CDH13: variants seen among roughly 807,000 people sequenced by gnomAD.
The protein encoded by CDH13 is cadherin-13.
In CDH13, 24 loss-of-function variants were observed where a neutral mutation model predicts 63.8. The ratio of observed to expected loss-of-function variants is 0.38; its 90% CI spans 0.27 to 0.53. The LOEUF is 0.53. CDH13 is among the 20% of genes least tolerant of loss of function. The pLI is 0.85. For synonymous variants in CDH13, 503 were observed against 355.3 expected (o/e 1.42, Z -4.67); for missense variants, 1,049 against 903.1 (o/e 1.16, Z -2.07).
At chr16:83,310,331 CT>C (rs994535297) in intron 5 of CDH13, among the ~76,000 whole-genome samples, 2 of 152,182 alleles carry the variant, frequency 1.3e-5, no homozygotes, top group African/African-American at 4.8e-5. Context: ...AAATTAGTTT[CT>C]GTGATTGTTG....
chr16:83,377,969 A>T (rs1321384718), intron 6 of CDH13, among the ~76,000 whole-genome samples: 1 of 152,200 alleles, frequency 6.6e-6, no homozygotes. Context: ...TGAGTAGAAG[A>T]TGAATTTGCA....
At chr16:83,424,459 C>A (rs575176664) in intron 6 of CDH13, among the ~76,000 whole-genome samples, 1 of 152,274 alleles carries the variant, frequency 6.6e-6, no homozygotes, top group East Asian at 1.9e-4. Flanking sequence ...TTTATGAAGG[C>A]CTTGCCATGC....
chr16:83,732,457 C>A (rs1341503837), intron 10 of CDH13, among the ~76,000 whole-genome samples: 2 of 152,162 alleles, frequency 1.3e-5, no homozygotes, highest in Non-Finnish European at 2.9e-5. Flanking sequence ...CCCAAAGCCA[C>A]AAAGGTTTTG....
intron 8 of CDH13, among the ~76,000 whole-genome samples, chr16:83,627,915 T>A (rs1910459570): frequency 6.6e-6 from 1 of 152,190 alleles, no homozygotes; most frequent in African/African-American, 2.4e-5. Flanking sequence ...TATTCAAGAC[T>A]TTTCCAGGAA....
At chr16:82,951,346 C>A (rs1012249294) in intron 2 of CDH13, among the ~76,000 whole-genome samples, 1 of 152,146 alleles carries the variant, frequency 6.6e-6, no homozygotes, top group Admixed American at 6.5e-5. Context: ...CAGTTGATAT[C>A]TGCTTCCTAT....
intron 6 of CDH13, among the ~76,000 whole-genome samples, chr16:83,364,038 C>T (rs1449486172): frequency 6.6e-6 from 1 of 152,104 alleles, no homozygotes; most frequent in African/African-American, 2.4e-5. Flanking sequence ...AGCTAGCTTT[C>T]TCTGAAAAGC....
At chr16:83,790,197 C>G (rs1332307534) in intron 13 of CDH13, 3 of 152,220 alleles carry the variant, frequency 2.0e-5, no homozygotes, top group Non-Finnish European at 2.9e-5. Flanking sequence ...TCACCATTGA[C>G]TGCCTCCCTT....
chr16:83,163,647 C>G (rs1288809083), intron 4 of CDH13, among the ~76,000 whole-genome samples: 3 of 152,042 alleles, frequency 2.0e-5, no homozygotes, highest in African/African-American at 7.2e-5. Context: ...GTGTCATCTC[C>G]ACTCTCTTTC....
At chr16:83,093,545 C>T (rs1011601649) in intron 3 of CDH13, among the ~76,000 whole-genome samples, 1 of 151,964 alleles carries the variant, frequency 6.6e-6, no homozygotes, top group Non-Finnish European at 1.5e-5. Flanking sequence ...GTCTCGAACT[C>T]CTGACCTCAG....
At chr16:82,766,339 G>T (rs559201175) in intron 1 of CDH13, among the ~76,000 whole-genome samples, 1 of 152,310 alleles carries the variant, frequency 6.6e-6, no homozygotes, top group South Asian at 2.1e-4. Flanking sequence ...GTTTCTGAAG[G>T]ATTGAATCTC....
At chr16:83,675,601 A>T (rs532570855) in intron 9 of CDH13, among the ~76,000 whole-genome samples, 1 of 152,152 alleles carries the variant, frequency 6.6e-6, no homozygotes. Flanking sequence ...GCCTAGCTCC[A>T]TGGGAAATAT....
At chr16:82,866,377 CTTTTTTTTTTTTTTTTTTT>C (rs538206338) in intron 2 of CDH13, among the ~76,000 whole-genome samples, 1 of 58,296 alleles carries the variant, frequency 1.7e-5, no homozygotes, top group Non-Finnish European at 2.9e-5. Flanking sequence ...TTTTCTTCTT[CTTTTTTTTTTTTTTTTTTT>C]TTTTTTTTTT....
At chr16:83,723,306 G>C (rs763559324) in intron 10 of CDH13, among the ~76,000 whole-genome samples, 9 of 152,178 alleles carry the variant, frequency 5.9e-5, no homozygotes, top group African/African-American at 9.7e-5. Context: ...CACATATAGA[G>C]AAGTAAAAGC....
intron 5 of CDH13, among the ~76,000 whole-genome samples, chr16:83,329,381 A>G (rs1341122944): frequency 1.4e-5 from 2 of 147,464 alleles, no homozygotes. Context: ...ACGTGCCACC[A>G]CACATGGCTA....
intron 1 of CDH13, among the ~76,000 whole-genome samples, chr16:82,751,752 C>A (rs942601890): frequency 6.6e-6 from 1 of 151,412 alleles, no homozygotes; most frequent in African/African-American, 2.4e-5. Context: ...AGAGATCGCA[C>A]GTTTTCGTTT....
intron 2 of CDH13, among the ~76,000 whole-genome samples, chr16:82,926,340 A>G (rs1333501675): frequency 6.6e-6 from 1 of 151,934 alleles, no homozygotes; most frequent in African/African-American, 2.4e-5. Context: ...GATCTCTTGC[A>G]TGAGGCTTTT....
chr16:82,740,947 G>A (rs570571958), intron 1 of CDH13, among the ~76,000 whole-genome samples: 28 of 152,118 alleles, frequency 1.8e-4, no homozygotes, highest in African/African-American at 6.5e-4. Context: ...CTTTAAAAGG[G>A]GTTACCTCCT....
At chr16:83,735,299 T>A (rs1297616583) in intron 10 of CDH13, 1 of 152,208 alleles carries the variant, frequency 6.6e-6, no homozygotes, top group Non-Finnish European at 1.5e-5. Flanking sequence ...CCCAGTCCTT[T>A]GCCAGTCAAA....
chr16:82,751,265 C>A (rs965383430), intron 1 of CDH13, among the ~76,000 whole-genome samples: 1 of 152,230 alleles, frequency 6.6e-6, no homozygotes, highest in Non-Finnish European at 1.5e-5. Context: ...AGGGCCCATG[C>A]GTGCGAGTTA....
Sources: gnomAD v4.1 joint callset for allele counts (sites outside exome capture counted in the v4.1 genomes callset) on GRCh38, gnomAD v4.1.1 for gene constraint, MANE v1.5 for transcripts, NCBI Gene and HGNC (gene_info 2026-07-23, HGNC 2026-07-21) for gene names.